CLPB: variants seen among roughly 807,000 people sequenced by gnomAD.
The protein encoded by CLPB is ClpB family mitochondrial disaggregase.
A neutral mutation model predicts 78.4 loss-of-function variants in CLPB; 40 were observed. That is an observed-to-expected ratio of 0.51 (90% confidence interval 0.40 to 0.66). CLPB has a LOEUF of 0.66. CLPB is among the 30% of genes least tolerant of loss of function. The probability of loss-of-function intolerance (pLI) is 0.00; values close to 1 mark genes in which losing one functional copy is unlikely to be tolerated. For synonymous variants in CLPB, 333 were observed against 348.0 expected, an observed-to-expected ratio of 0.96 and a Z score of 0.48; for missense variants, 780 against 886.9, an observed-to-expected ratio of 0.88 and a Z score of 1.53.
chr11:72,417,087 T>C (rs908091827), intron 2 of CLPB, among the ~76,000 whole-genome samples: 2 of 152,154 alleles, frequency 1.3e-5, no homozygotes, highest in African/African-American at 2.4e-5. Flanking sequence ...TGAAGAGACA[T>C]GAAAACATAC....
intron 9 of CLPB, chr11:72,304,068 T>C (rs1949704962): frequency 6.6e-6 from 1 of 152,236 alleles, no homozygotes; most frequent in Admixed American, 6.5e-5. Flanking sequence ...CTATAGACTC[T>C]CGTGCTTACT....
chr11:72,347,175 G>A (rs1327908391), intron 5 of CLPB, among the ~76,000 whole-genome samples: 1 of 152,086 alleles, frequency 6.6e-6, no homozygotes, highest in African/African-American at 2.4e-5. Flanking sequence ...ATTGGTTCAG[G>A]CAAAAACCAG....
intron 2 of CLPB, among the ~76,000 whole-genome samples, chr11:72,422,147 G>A (rs992345670): frequency 2.0e-5 from 3 of 151,694 alleles, no homozygotes; most frequent in Non-Finnish European, 2.9e-5. Flanking sequence ...GGCGCCTGTA[G>A]TCCAGCAACT....
intron 2 of CLPB, among the ~76,000 whole-genome samples, 197 bp from the exon 3 acceptor site, chr11:72,403,249 C>T (rs912350869): frequency 3.3e-5 from 5 of 152,172 alleles, no homozygotes; most frequent in Non-Finnish European, 1.5e-5. Flanking sequence ...TTGAGGACTA[C>T]ATTCCCAATT....
At chr11:72,425,197 T>C (rs1856336866) in intron 2 of CLPB, among the ~76,000 whole-genome samples, 1 of 152,208 alleles carries the variant, frequency 6.6e-6, no homozygotes, top group South Asian at 2.1e-4. Context: ...TCCTCAAACT[T>C]GGCCCCAGTA....
chr11:72,387,715 A>G (rs1855123169), intron 3 of CLPB, among the ~76,000 whole-genome samples: 2 of 151,738 alleles, frequency 1.3e-5, no homozygotes, highest in Non-Finnish European at 2.9e-5. Context: ...GTATAATCTC[A>G]GCAATAATCA....
At chr11:72,348,615 C>G (rs774611445) in intron 5 of CLPB, among the ~76,000 whole-genome samples, 1 of 152,192 alleles carries the variant, frequency 6.6e-6, no homozygotes, top group Non-Finnish European at 1.5e-5. Context: ...ACACTGGTCT[C>G]TCCCCTCCTC....
chr11:72,310,879 A>G (rs1949833510), intron 7 of CLPB: 1 of 152,104 alleles, frequency 6.6e-6, no homozygotes, highest in Non-Finnish European at 1.5e-5. Context: ...CAAAAACACC[A>G]TGGAGAATGA....
intron 1 of CLPB, among the ~76,000 whole-genome samples, chr11:72,433,584 T>TAAATAAAC: frequency 6.8e-6 from 1 of 147,416 alleles, no homozygotes; most frequent in Non-Finnish European, 1.5e-5. Context: ...AATAAATAAA[T>TAAATAAAC]AAATAAATTG....
intron 3 of CLPB, among the ~76,000 whole-genome samples, chr11:72,394,175 C>A (rs1397241131): frequency 6.6e-6 from 1 of 152,164 alleles, no homozygotes; most frequent in Admixed American, 6.5e-5. Flanking sequence ...CCTGAAACAC[C>A]CATGATATCT....
intron 6 of CLPB, among the ~76,000 whole-genome samples, chr11:72,325,040 C>T (rs1346026821): frequency 1.3e-5 from 2 of 152,064 alleles, no homozygotes; most frequent in African/African-American, 4.8e-5. Flanking sequence ...GCAATAAATT[C>T]CTCGTGAGTC....
intron 1 of CLPB, among the ~76,000 whole-genome samples, chr11:72,433,588 T>C (rs1856611473): frequency 6.9e-6 from 1 of 144,278 alleles, no homozygotes; most frequent in Non-Finnish European, 1.5e-5. Flanking sequence ...AATAAATAAA[T>C]AAATTGAGGT....
intron 5 of CLPB, among the ~76,000 whole-genome samples, chr11:72,357,344 T>C (rs546342882): frequency 9.2e-5 from 14 of 152,214 alleles, no homozygotes; most frequent in African/African-American, 3.4e-4. Flanking sequence ...TGAAGACTGG[T>C]ATTTGGAAAA....
Position 72,295,668 on chromosome 11 carries a change from A to C in CLPB, c.1330-20T>G. 3 of 1,613,106 alleles carry C rather than the reference A, an allele frequency of 1.9e-6. No homozygotes were observed. The highest frequency in any genetic ancestry group is 2.5e-6 in the Non-Finnish European group (3 of 1,179,612). On this transcript the variant is annotated intron_variant, in intron 11 of 15. Coordinates refer to ENST00000538039, the MANE Select transcript of CLPB (RefSeq NM_001258392.3). ...CCGGCCCTGGGAAGGGAAGGAAGGG[A>C]GTGTACAGTCAGGGAGCTATGTGCC...
intron 6 of CLPB, among the ~76,000 whole-genome samples, chr11:72,325,190 T>C (rs1186652153): frequency 6.6e-6 from 1 of 152,180 alleles, no homozygotes; most frequent in Non-Finnish European, 1.5e-5. Flanking sequence ...CTACCTCTCC[T>C]TCATCTCTTA....
chr11:72,423,414 C>T (rs779512203), intron 2 of CLPB, among the ~76,000 whole-genome samples: 10 of 152,210 alleles, frequency 6.6e-5, no homozygotes, highest in African/African-American at 1.2e-4. Flanking sequence ...TATATTCATT[C>T]ATTTATTGAA....
intron 11 of CLPB, among the ~76,000 whole-genome samples, chr11:72,300,650 C>T (rs1486069112): frequency 6.6e-6 from 1 of 152,180 alleles, no homozygotes; most frequent in South Asian, 2.1e-4. Context: ...GGCTTGGTAC[C>T]TGATGTGCTG....
chr11:72,405,760 C>T (rs1405963329), intron 2 of CLPB, among the ~76,000 whole-genome samples: 1 of 152,054 alleles, frequency 6.6e-6, no homozygotes, highest in Non-Finnish European at 1.5e-5. Flanking sequence ...AACCGCATCT[C>T]TACTAAAAAT....
intron 3 of CLPB, among the ~76,000 whole-genome samples, chr11:72,394,044 T>C (rs866007856): frequency 3.0e-4 from 45 of 152,334 alleles, no homozygotes; most frequent in African/African-American, 1.0e-3. Context: ...TAGTCTGATG[T>C]CCATTCATAC....
Sources: gnomAD v4.1 joint callset for allele counts (sites outside exome capture counted in the v4.1 genomes callset) on GRCh38, gnomAD v4.1.1 for gene constraint, MANE v1.5 for transcripts, NCBI Gene and HGNC (gene_info 2026-07-23, HGNC 2026-07-21) for gene names.